PPP2R2C: variants seen among roughly 807,000 people sequenced by gnomAD.
PPP2R2C encodes the protein protein phosphatase 2 regulatory subunit Bgamma, also known as protein phosphatase 2, regulatory subunit B, gamma.
PPP2R2C carries 10 observed loss-of-function variants against 45.3 expected under a neutral mutation model. The observed-to-expected ratio is 0.22, with a 90% CI of 0.14 to 0.37. PPP2R2C has a LOEUF of 0.37. PPP2R2C is among the 10% of genes least tolerant of loss of function. PPP2R2C has a pLI of 1.00. For synonymous variants in PPP2R2C, 257 were observed against 245.4 expected, an observed-to-expected ratio of 1.05 and a Z score of -0.44; for missense variants, 308 against 619.7, an observed-to-expected ratio of 0.50 and a Z score of 5.34.
chr4:6,510,513 T>C (rs1223541775), intron 2 of PPP2R2C, among the ~76,000 whole-genome samples: 1 of 152,218 alleles, frequency 6.6e-6, no homozygotes, highest in Non-Finnish European at 1.5e-5. Context: ...TGTTCATTTA[T>C]TCTTCACTAT....
intron 5 of PPP2R2C, chr4:6,350,252 T>C: frequency 1.0e-6 from 1 of 985,448 alleles, no homozygotes; most frequent in Non-Finnish European, 1.2e-6. Flanking sequence ...AGCCCAGCCC[T>C]CCCAGGCCGA....
At chr4:6,524,575 G>C (rs753478798) in intron 2 of PPP2R2C, among the ~76,000 whole-genome samples, 1 of 152,206 alleles carries the variant, frequency 6.6e-6, no homozygotes, top group Non-Finnish European at 1.5e-5. Flanking sequence ...AAGACAGCTT[G>C]ACTGGTTACA....
At chr4:6,427,180 C>A (rs1719377087) in intron 1 of PPP2R2C, among the ~76,000 whole-genome samples, 1 of 152,242 alleles carries the variant, frequency 6.6e-6, no homozygotes, top group Non-Finnish European at 1.5e-5. Context: ...GAGCTGGGGG[C>A]CCCACTGTAT....
intron 5 of PPP2R2C, among the ~76,000 whole-genome samples, chr4:6,356,195 G>C (rs766100049): frequency 6.6e-6 from 1 of 152,076 alleles, no homozygotes; most frequent in Non-Finnish European, 1.5e-5. Context: ...ACCTGACTAG[G>C]CAAAGTTGTT....
chr4:6,326,972 G>T (rs1273444274), intron 8 of PPP2R2C, among the ~76,000 whole-genome samples: 1 of 152,208 alleles, frequency 6.6e-6, no homozygotes. Flanking sequence ...TGGGAACCTG[G>T]GGGGAATCCT....
At chr4:6,336,665 CTGCTTCCA>C (rs1431842866) in intron 6 of PPP2R2C, among the ~76,000 whole-genome samples, 5 of 3,790 alleles carry the variant, frequency 1.3e-3, no homozygotes, top group African/African-American at 4.6e-3. Context: ...CCCTCCCTCC[CTGCTTCCA>C]TCCCTCCCTC....
chr4:6,390,617 C>T (rs1444554604), intron 1 of PPP2R2C, among the ~76,000 whole-genome samples: 1 of 152,220 alleles, frequency 6.6e-6, no homozygotes, highest in Non-Finnish European at 1.5e-5. Flanking sequence ...GACATCAGCA[C>T]TGAGTGAGTG....
chr4:6,465,339 A>G (rs1452291086), intron 1 of PPP2R2C, among the ~76,000 whole-genome samples: 3 of 152,122 alleles, frequency 2.0e-5, no homozygotes, highest in African/African-American at 4.8e-5. Flanking sequence ...TGGGTGAGAG[A>G]GGAGCACGGA....
Position 6,323,455 on chromosome 4 carries a change from GC to G in PPP2R2C, c.1190del (p.Gly397AlafsTer46). The G allele has an allele frequency of 1.2e-6, 2 of 1,613,294 alleles. No individual in the cohort carries two copies. Among genetic ancestry groups the G allele is most frequent in the Non-Finnish European group, 1.7e-6 (2 of 1,179,318 alleles). The part of the protein sequence containing the change: ...VLKPRRVCVG[G>X]KRRRDDISVD... ...CACTGATGTCATCACGCCGGCGCTT[GC>G]CCCCCACGCACACGCGCCGTGGCTT... On this transcript the variant is annotated frameshift_variant, in exon 9 of 9. Transcript: ENST00000382599. LOFTEE classifies it high-confidence loss of function.
At chr4:6,518,700 C>G (rs1314791928) in intron 2 of PPP2R2C, among the ~76,000 whole-genome samples, 1 of 151,978 alleles carries the variant, frequency 6.6e-6, no homozygotes, top group African/African-American at 2.4e-5. Flanking sequence ...AGGCAAGTGG[C>G]TCATCAGAGG....
At chr4:6,547,487 G>A (rs1273203240) in intron 1 of PPP2R2C, among the ~76,000 whole-genome samples, 4 of 152,032 alleles carry the variant, frequency 2.6e-5, no homozygotes, top group South Asian at 2.1e-4. Context: ...GCCTTCTGGC[G>A]GGATGCACTG....
At chr4:6,434,164 A>G (rs1279474735) in intron 1 of PPP2R2C, among the ~76,000 whole-genome samples, 1 of 152,104 alleles carries the variant, frequency 6.6e-6, no homozygotes, top group Non-Finnish European at 1.5e-5. Flanking sequence ...AGAATCTTAA[A>G]CATCATTCTA....
At chr4:6,437,460 G>A (rs901471485) in intron 1 of PPP2R2C, among the ~76,000 whole-genome samples, 6 of 152,302 alleles carry the variant, frequency 3.9e-5, no homozygotes, top group East Asian at 1.9e-4. Flanking sequence ...CAGCCAGAGC[G>A]GGGAGTGGCT....
At chr4:6,535,181 G>A in intron 2 of PPP2R2C, 1 of 1,407,760 alleles carries the variant, frequency 7.1e-7, no homozygotes, top group Non-Finnish European at 9.7e-7. Context: ...CCCGCTGTCA[G>A]GCTGGCGCTG....
chr4:6,398,374 C>T (rs915699282), intron 1 of PPP2R2C, among the ~76,000 whole-genome samples: 2 of 151,810 alleles, frequency 1.3e-5, no homozygotes, highest in South Asian at 2.1e-4. Flanking sequence ...TCTTGTAGCC[C>T]GGATGTATAA....
At position 6,393,432 on chromosome 4, in the gene PPP2R2C, C is replaced by G. The variant is rs145056673; in HGVS notation, c.71-12338G>C. On this transcript the variant is annotated intron_variant, in intron 1 of 8. Transcript: ENST00000382599. ...TGTGACACAGATCAGTACATCATTC[C>G]TTTTCCAGGCTGAAATAATAATTCC... 3.0e-3 allele frequency among the ~76,000 whole-genome samples: 464 copies of G among 152,370 alleles called. 6 individuals carry two copies. Among genetic ancestry groups the G allele is most frequent in the Non-Finnish European group, 2.3e-3 (158 of 68,040 alleles).
intron 1 of PPP2R2C, among the ~76,000 whole-genome samples, chr4:6,422,197 T>G (rs1411778175): frequency 2.0e-5 from 3 of 152,156 alleles, no homozygotes; most frequent in African/African-American, 7.2e-5. Context: ...AATATTGACT[T>G]TCTAACCAGC....
At chr4:6,400,008 A>G (rs1273295545) in intron 1 of PPP2R2C, among the ~76,000 whole-genome samples, 2 of 152,210 alleles carry the variant, frequency 1.3e-5, no homozygotes, top group African/African-American at 4.8e-5. Flanking sequence ...TCCTGAGTCA[A>G]TGCATGTGAA....
Position 6,361,953 on chromosome 4 carries a change from G to A in PPP2R2C, c.625+10570C>T, listed in dbSNP as rs1713784863. ...GGCCCTGAGATGGTGCAGAGTCAGG[G>A]AAGGGCCCTCCGAAGCCCATGGTGA... On this transcript the variant is annotated intron_variant, in intron 5 of 8. Transcript: ENST00000382599. Among the ~76,000 whole-genome samples the A allele has an allele frequency of 2.0e-5, 3 of 152,232 alleles. No homozygotes were observed. The South Asian group carries it at 6.2e-4, about 32-fold the overall frequency.
Sources: gnomAD v4.1 joint callset for allele counts (sites outside exome capture counted in the v4.1 genomes callset) on GRCh38, gnomAD v4.1.1 for gene constraint, MANE v1.5 for transcripts, NCBI Gene and HGNC (gene_info 2026-07-23, HGNC 2026-07-21) for gene names.